The following CAB39L variants were observed in gnomAD, a reference collection of about 807,000 sequenced individuals.
The protein encoded by CAB39L is calcium-binding protein 39-like.
CAB39L carries 23 observed loss-of-function variants against 39.1 expected under a neutral mutation model. The ratio of observed to expected loss-of-function variants is 0.59; its 90% CI spans 0.42 to 0.83. The LOEUF is 0.83. Ranked by LOEUF, CAB39L falls within the 40% of genes least tolerant of loss-of-function variation. The pLI is 0.00. For synonymous variants in CAB39L, 126 were observed against 137.2 expected (o/e 0.92, Z 0.57); for missense variants, 366 against 391.9 (o/e 0.93, Z 0.56).
chr13:49,419,679 AAAC>A (rs528144431), intron 3 of CAB39L, among the ~76,000 whole-genome samples: 43 of 152,340 alleles, frequency 2.8e-4, no homozygotes, highest in African/African-American at 8.4e-4. Flanking sequence ...TCAATTGGCA[AAAC>A]AACAACAACA....
At chr13:49,427,326 T>C (rs546903318) in intron 3 of CAB39L, among the ~76,000 whole-genome samples, 1 of 152,144 alleles carries the variant, frequency 6.6e-6, no homozygotes, top group Non-Finnish European at 1.5e-5. Context: ...ACACTGACAG[T>C]GTCTTCAATG....
intron 5 of CAB39L, among the ~76,000 whole-genome samples, chr13:49,375,935 G>A (rs1452758034): frequency 2.0e-5 from 3 of 152,204 alleles, no homozygotes; most frequent in East Asian, 3.8e-4. Flanking sequence ...GCCCTTCGGG[G>A]TCCCCACTTG....
chr13:49,404,444 G>GA (rs76373709), intron 3 of CAB39L, among the ~76,000 whole-genome samples: 592 of 136,166 alleles, frequency 4.3e-3, no homozygotes, highest in African/African-American at 8.9e-3. Flanking sequence ...GAGAGGTCTG[G>GA]AAAAAAAAAA....
At chr13:49,388,833 GA>G (rs1168138196) in intron 3 of CAB39L, among the ~76,000 whole-genome samples, 4 of 152,118 alleles carry the variant, frequency 2.6e-5, no homozygotes, top group African/African-American at 9.7e-5. Flanking sequence ...AATAATGATA[GA>G]AGTAGAAATA....
intron 3 of CAB39L, among the ~76,000 whole-genome samples, chr13:49,427,222 T>C (rs1363683330): frequency 6.6e-6 from 1 of 152,156 alleles, no homozygotes; most frequent in Non-Finnish European, 1.5e-5. Context: ...TTCCTCCAGT[T>C]TCTAAAAAGA....
chr13:49,404,750 A>T (rs946053388), intron 3 of CAB39L, among the ~76,000 whole-genome samples: 1 of 152,200 alleles, frequency 6.6e-6, no homozygotes, highest in Non-Finnish European at 1.5e-5. Flanking sequence ...ATTAAGAATC[A>T]AGCAGAAATT....
intron 6 of CAB39L, chr13:49,351,170 G>A (rs766061198): frequency 7.7e-5 from 24 of 313,064 alleles, no homozygotes; most frequent in Non-Finnish European, 1.3e-4. Flanking sequence ...GGATGAGGCA[G>A]AATGTAAACA....
intron 3 of CAB39L, among the ~76,000 whole-genome samples, chr13:49,429,226 G>A (rs929019161): frequency 1.3e-5 from 2 of 152,108 alleles, no homozygotes; most frequent in African/African-American, 2.4e-5. Flanking sequence ...CTTCCTAGTA[G>A]CTGGCCCTAC....
At chr13:49,378,628 A>T (rs1434425384) in intron 4 of CAB39L, among the ~76,000 whole-genome samples, 2 of 62,822 alleles carry the variant, frequency 3.2e-5, no homozygotes, top group African/African-American at 1.0e-4. Context: ...CCCGTCCGGG[A>T]GGTGAGGGGC....
intron 4 of CAB39L, among the ~76,000 whole-genome samples, chr13:49,381,342 C>T (rs1956249166): frequency 6.6e-6 from 1 of 152,144 alleles, no homozygotes; most frequent in South Asian, 2.1e-4. Context: ...CAGAAGAGTG[C>T]TTTAAACATA....
chr13:49,316,463 T>C (rs1954161399), intron 10 of CAB39L, among the ~76,000 whole-genome samples: 1 of 152,202 alleles, frequency 6.6e-6, no homozygotes, highest in Non-Finnish European at 1.5e-5. Context: ...GAACACTTCC[T>C]AACTTATGAT....
At chr13:49,378,613 G>C (rs1257032960) in intron 4 of CAB39L, among the ~76,000 whole-genome samples, 1 of 70,846 alleles carries the variant, frequency 1.4e-5, no homozygotes, top group Non-Finnish European at 2.9e-5. Context: ...CGCCCGGCCA[G>C]CCGCCCCGTC....
intron 10 of CAB39L, among the ~76,000 whole-genome samples, chr13:49,311,309 T>C (rs2138315183): frequency 6.6e-6 from 1 of 152,332 alleles, no homozygotes; most frequent in South Asian, 2.1e-4. Context: ...GTGATGCTGG[T>C]GTAAACAAAC....
intron 10 of CAB39L, among the ~76,000 whole-genome samples, chr13:49,324,166 A>T (rs1309632523): frequency 6.6e-6 from 1 of 151,798 alleles, no homozygotes; most frequent in Non-Finnish European, 1.5e-5. Context: ...ACAAAAAAAA[A>T]ATTAGCCAGG....
chr13:49,378,802 C>A (rs1594023058), intron 4 of CAB39L, among the ~76,000 whole-genome samples: 5 of 46,894 alleles, frequency 1.1e-4, no homozygotes, highest in East Asian at 5.1e-4. Flanking sequence ...CCGCCCCGTC[C>A]GGGAGGTGAG....
At chr13:49,436,553 C>CTTTTTTTTTTTTTTTTTTTT (rs57141770) in intron 1 of CAB39L, among the ~76,000 whole-genome samples, 1 of 73,428 alleles carries the variant, frequency 1.4e-5, no homozygotes, top group Non-Finnish European at 2.3e-5. Context: ...TTCTTTATGA[C>CTTTTTTTTTTTTTTTTTTTT]TTTTTTTTTT....
chr13:49,438,107 G>A (rs1957445481), intron 1 of CAB39L, among the ~76,000 whole-genome samples: 1 of 152,116 alleles, frequency 6.6e-6, no homozygotes, highest in African/African-American at 2.4e-5. Flanking sequence ...AAAGTGCTGG[G>A]ATTACAGGCA....
chr13:49,328,087 C>A (rs1451109584), intron 10 of CAB39L, among the ~76,000 whole-genome samples: 1 of 152,170 alleles, frequency 6.6e-6, no homozygotes, highest in African/African-American at 2.4e-5. Flanking sequence ...TGTACATAAC[C>A]CCTTATGCAC....
chr13:49,399,839 G>A (rs1293253039), intron 3 of CAB39L, among the ~76,000 whole-genome samples: 2 of 151,982 alleles, frequency 1.3e-5, no homozygotes, highest in African/African-American at 4.8e-5. Context: ...AATCTATAAA[G>A]AAGTAAAAGT....
Sources: allele counts gnomAD v4.1 joint callset (sites outside exome capture counted in the v4.1 genomes callset), GRCh38; gene constraint gnomAD v4.1.1; transcripts MANE v1.5; gene names NCBI Gene and HGNC (gene_info 2026-07-23, HGNC 2026-07-21).